The following RANBP2 variants were observed in gnomAD, a reference collection of about 807,000 sequenced individuals.
RANBP2 encodes the protein RAN binding protein 2.
Under a neutral mutation model 303.6 loss-of-function variants are expected in RANBP2, and 57 were observed. That is an observed-to-expected ratio of 0.19 (90% confidence interval 0.15 to 0.23). The LOEUF (loss-of-function observed/expected upper bound fraction) is 0.23, where lower values mean the gene tolerates loss of function less well. Ranked by LOEUF, RANBP2 falls within the 10% of genes least tolerant of loss-of-function variation. RANBP2 has a pLI of 1.00. For missense variants in RANBP2, 3,138 were observed against 3,780.8 expected (o/e 0.83, Z 4.46); for synonymous variants, 1,167 against 1,301.5 (o/e 0.90, Z 2.23).
intron 9 of RANBP2, among the ~76,000 whole-genome samples, chr2:108,749,940 A>G (rs1675728045): frequency 6.6e-6 from 1 of 152,114 alleles, no homozygotes; most frequent in South Asian, 2.1e-4. Flanking sequence ...ACCTGAGATC[A>G]GGAGTTCGAG....
chr2:109,248,651 T>C, the RANBP2 span, among the ~76,000 whole-genome samples: 1 of 152,204 alleles, frequency 6.6e-6, no homozygotes, highest in Admixed American at 6.5e-5. Context: ...AGCAAATAAT[T>C]AGTACACTTG....
the RANBP2 span, among the ~76,000 whole-genome samples, chr2:109,721,845 C>T: frequency 3.0e-4 from 46 of 152,318 alleles, no homozygotes; most frequent in South Asian, 1.7e-3. Flanking sequence ...CGAGCAGCCA[C>T]CTTGCCCCAA....
At chr2:109,288,570 C>T in the RANBP2 span, among the ~76,000 whole-genome samples, 9 of 152,330 alleles carry the variant, frequency 5.9e-5, no homozygotes, top group African/African-American at 1.9e-4. Context: ...CCTCCATTTC[C>T]TTTCTGTTGA....
chr2:108,773,660 T>TG (rs869057589), intron 23 of RANBP2, among the ~76,000 whole-genome samples: 113 of 149,602 alleles, frequency 7.6e-4, no homozygotes, highest in Admixed American at 2.5e-3. Flanking sequence ...TTTTTTTTTT[T>TG]GGGGGGGGAT....
chr2:109,584,649 G>C, the RANBP2 span, among the ~76,000 whole-genome samples: 1 of 151,634 alleles, frequency 6.6e-6, no homozygotes, highest in African/African-American at 2.4e-5. Context: ...AGAGACACAA[G>C]GTAAAATATA....
chr2:109,074,633 G>A, the RANBP2 span, among the ~76,000 whole-genome samples: 13 of 150,240 alleles, frequency 8.7e-5, no homozygotes, highest in African/African-American at 2.9e-4. Flanking sequence ...CTGGGAAGTG[G>A]AGGCAGCAGT....
chr2:109,693,470 G>A, the RANBP2 span, among the ~76,000 whole-genome samples: 1 of 152,124 alleles, frequency 6.6e-6, no homozygotes, highest in Non-Finnish European at 1.5e-5. Flanking sequence ...ACAACTCCTG[G>A]TGGCAGATAA....
the RANBP2 span, among the ~76,000 whole-genome samples, chr2:109,507,287 G>A: frequency 5.3e-5 from 8 of 152,186 alleles, no homozygotes; most frequent in Admixed American, 1.3e-4. Flanking sequence ...CACAGACCAG[G>A]GACCGTCTTG....
chr2:108,840,871 G>T, the RANBP2 span, among the ~76,000 whole-genome samples: 8 of 151,360 alleles, frequency 5.3e-5, no homozygotes, highest in Admixed American at 2.6e-4. Flanking sequence ...GAATTCACTG[G>T]CACAGTCTCG....
At chr2:109,449,484 G>A in the RANBP2 span, 1 of 1,613,796 alleles carries the variant, frequency 6.2e-7, no homozygotes, top group Non-Finnish European at 8.5e-7. Context: ...GAAGAAAAGT[G>A]AAAAGGTAAG....
At chr2:109,708,261 C>A in the RANBP2 span, among the ~76,000 whole-genome samples, 2 of 151,872 alleles carry the variant, frequency 1.3e-5, no homozygotes, top group Admixed American at 6.6e-5. Context: ...TGGCACACGC[C>A]TGTAGTCCCA....
At chr2:109,799,034 C>T in the RANBP2 span, among the ~76,000 whole-genome samples, 2 of 22,026 alleles carry the variant, frequency 9.1e-5, no homozygotes, top group East Asian at 1.2e-3. Context: ...CTTTGGGAGG[C>T]GGAAGAAGTC....
At chr2:109,572,333 C>T in the RANBP2 span, among the ~76,000 whole-genome samples, 4 of 152,282 alleles carry the variant, frequency 2.6e-5, no homozygotes, top group Non-Finnish European at 5.9e-5. Flanking sequence ...CGGGGTTTCA[C>T]CGTGTTAGCC....
At chr2:109,420,971 T>C in the RANBP2 span, among the ~76,000 whole-genome samples, 2 of 152,240 alleles carry the variant, frequency 1.3e-5, no homozygotes, top group African/African-American at 2.4e-5. Context: ...CCTAGCTTCC[T>C]GAGCAGGCTA....
chr2:108,782,101 T>C (rs772638652), intron 26 of RANBP2, 27 bp from the exon 27 acceptor site: 1 of 1,611,952 alleles, frequency 6.2e-7, no homozygotes, highest in Non-Finnish European at 8.5e-7. Flanking sequence ...AGCAGCAGCT[T>C]ATAGAGAATT....
the RANBP2 span, among the ~76,000 whole-genome samples, chr2:109,679,028 G>C: frequency 6.6e-6 from 1 of 152,236 alleles, no homozygotes; most frequent in Non-Finnish European, 1.5e-5. Context: ...CAACACTGTA[G>C]CTCATGCTTG....
At chr2:108,792,403 C>T in the RANBP2 span, among the ~76,000 whole-genome samples, 7 of 152,104 alleles carry the variant, frequency 4.6e-5, no homozygotes, top group South Asian at 8.3e-4. Context: ...GCTATATGGT[C>T]GATTTTCCCA....
intron 26 of RANBP2, 25 bp downstream of exon 26, chr2:108,781,454 T>C: frequency 1.9e-6 from 3 of 1,607,698 alleles, no homozygotes; most frequent in Non-Finnish European, 2.6e-6. Context: ...ATTAACCTTT[T>C]ACTAATAACT....
At chr2:109,548,565 C>G in the RANBP2 span, among the ~76,000 whole-genome samples, 1 of 152,024 alleles carries the variant, frequency 6.6e-6, no homozygotes, top group African/African-American at 2.4e-5. Flanking sequence ...TGCCTGAGCT[C>G]AGGAGTTCAA....
Sources: gnomAD v4.1 joint callset for allele counts (sites outside exome capture counted in the v4.1 genomes callset) on GRCh38, gnomAD v4.1.1 for gene constraint, MANE v1.5 for transcripts, NCBI Gene and HGNC (gene_info 2026-07-23, HGNC 2026-07-21) for gene names.